Variants in NLGN4X observed in about 807,000 individuals in gnomAD.
The protein encoded by NLGN4X is neuroligin 4 X-linked, also known as neuroligin-4, X-linked.
NLGN4X carries 3 observed loss-of-function variants against 40.3 expected under a neutral mutation model. That is an observed-to-expected ratio of 0.07 (90% CI 0.03 to 0.19). The LOEUF (loss-of-function observed/expected upper bound fraction) is 0.19. Among genes scored for constraint, NLGN4X ranks in the 10% least tolerant of loss-of-function variants. The probability of loss-of-function intolerance (pLI) is 1.00; values close to 1 mark genes in which losing one functional copy is unlikely to be tolerated. For synonymous variants in NLGN4X, 270 were observed against 306.8 expected (o/e 0.88, Z 1.25); for missense variants, 382 against 708.3 (o/e 0.54, Z 5.23).
At chrX:6,019,541 G>A (rs934650460) in intron 3 of NLGN4X, among the ~76,000 whole-genome samples, 11 of 111,580 alleles carry the variant, frequency 9.9e-5, no homozygotes, top group African/African-American at 3.6e-4. Context: ...TGTAGATACT[G>A]ACAGAATTAT....
At chrX:5,989,498 T>A (rs1436758675) in intron 3 of NLGN4X, among the ~76,000 whole-genome samples, 3 of 112,511 alleles carry the variant, frequency 2.7e-5, no homozygotes, top group African/African-American at 9.7e-5. Flanking sequence ...TAGTTTTACT[T>A]CTTAAAGTGA....
At chrX:6,134,851 A>G (rs964853975) in intron 2 of NLGN4X, among the ~76,000 whole-genome samples, 4 of 112,034 alleles carry the variant, frequency 3.6e-5, no homozygotes, top group African/African-American at 1.3e-4. Context: ...ACTGAGAAGG[A>G]CCTCCTTTGC....
intron 1 of NLGN4X, chrX:6,186,762 C>G (rs1365775729): frequency 9.0e-6 from 1 of 111,607 alleles, no homozygotes; most frequent in Non-Finnish European, 1.9e-5. Context: ...AAGACATAAG[C>G]CTTACTCACC....
At chrX:5,961,090 C>T (rs1006543555) in intron 3 of NLGN4X, among the ~76,000 whole-genome samples, 11 of 110,978 alleles carry the variant, frequency 9.9e-5, no homozygotes, top group African/African-American at 2.0e-4. Context: ...TGCAGTGGCG[C>T]GATCTCGGCT....
chrX:6,211,530 G>GAT (rs1281621519), intron 1 of NLGN4X, among the ~76,000 whole-genome samples: 1 of 111,754 alleles, frequency 8.9e-6, no homozygotes, highest in Non-Finnish European at 1.9e-5. Context: ...TATAGATAGA[G>GAT]ATATATATAG....
At chrX:5,925,803 T>C (rs2033246048) in intron 3 of NLGN4X, among the ~76,000 whole-genome samples, 1 of 90,869 alleles carries the variant, frequency 1.1e-5, no homozygotes, top group African/African-American at 3.8e-5. Flanking sequence ...GATAATTACA[T>C]TCAGTTGGTA....
rs771649961 is a variant in NLGN4X at position 5,903,360 on chromosome X, G to A, written c.1318C>T (p.Leu440=). 2 of 1,211,649 alleles carry A rather than the reference G, an allele frequency of 1.7e-6. No homozygotes were observed. Among genetic ancestry groups the A allele is most frequent in the Admixed American group, 2.2e-5 (1 of 46,107 alleles). ...KENPETRRKT[L]VALFTDHQWV... ...TGGTGGTCAGTAAAGAGAGCCACCA[G>A]GGTTTTCCGCCGCGTCTCCGGGTTT... Residue 440 remains leucine (L), a synonymous_variant, in exon 5 of 6, where the codon CTG becomes TTG. Transcript: ENST00000381095.
In NLGN4X at chrX:6,181,316, G is replaced by A. The variant is rs189357005; in HGVS notation, c.-305-29545C>T. On this transcript the variant is annotated intron_variant, in intron 1 of 5. Transcript: ENST00000381095. ...CATACCACGGAACTAACATGAATAC[G>A]TAGATTTAAAAGTGATAGACTAAAA... Among the ~76,000 whole-genome samples the A allele has an allele frequency of 1.8e-3, 197 of 111,507 alleles. 1 individual carries two copies. The highest frequency in any genetic ancestry group is 4.7e-3 in the Middle Eastern group (1 of 213).
intron 3 of NLGN4X, among the ~76,000 whole-genome samples, chrX:6,020,606 T>C (rs2036504667): frequency 8.9e-6 from 1 of 112,176 alleles, no homozygotes; most frequent in Non-Finnish European, 1.9e-5. Context: ...TTTAAGTGTT[T>C]GCACCAGAAA....
intron 1 of NLGN4X, among the ~76,000 whole-genome samples, chrX:6,195,362 C>G (rs1179015632): frequency 8.9e-6 from 1 of 112,247 alleles, no homozygotes; most frequent in African/African-American, 3.2e-5. Context: ...TTGGCTTTCA[C>G]CTGCCTGCCA....
intron 3 of NLGN4X, among the ~76,000 whole-genome samples, chrX:5,941,790 T>A (rs1456333869): frequency 8.9e-6 from 1 of 112,424 alleles, no homozygotes; most frequent in Non-Finnish European, 1.9e-5. Flanking sequence ...CCGCTCACTG[T>A]CTCTGTAAGG....
chrX:6,069,806 T>C (rs1027164150), intron 2 of NLGN4X, among the ~76,000 whole-genome samples: 4 of 112,131 alleles, frequency 3.6e-5, no homozygotes, highest in African/African-American at 1.3e-4. Flanking sequence ...GAATTCTAGT[T>C]TGGCTGTTCA....
At chrX:5,898,481 G>C (rs778512090) in intron 5 of NLGN4X, among the ~76,000 whole-genome samples, 18 of 110,721 alleles carry the variant, frequency 1.6e-4, no homozygotes, top group Middle Eastern at 4.7e-3. Context: ...CTAGACTAAA[G>C]GTCAGAACCA....
At chrX:6,093,105 G>T (rs2038681955) in intron 2 of NLGN4X, among the ~76,000 whole-genome samples, 1 of 110,712 alleles carries the variant, frequency 9.0e-6, no homozygotes, top group South Asian at 3.8e-4. Context: ...AAAATAAACA[G>T]GAGATCTTAA....
At chrX:6,201,008 T>C (rs909232015) in intron 1 of NLGN4X, among the ~76,000 whole-genome samples, 2 of 111,042 alleles carry the variant, frequency 1.8e-5, no homozygotes, top group African/African-American at 3.3e-5. Flanking sequence ...CCTTAACTTA[T>C]TTATTTTGCA....
chrX:5,975,336 C>T (rs767034000), intron 3 of NLGN4X, among the ~76,000 whole-genome samples: 44 of 111,135 alleles, frequency 4.0e-4, no homozygotes, highest in African/African-American at 1.3e-3. Flanking sequence ...ATTAGCTGGG[C>T]GTGGTGACAT....
chrX:6,198,895 A>G (rs1923354287), intron 1 of NLGN4X, among the ~76,000 whole-genome samples: 1 of 111,868 alleles, frequency 8.9e-6, no homozygotes, highest in Non-Finnish European at 1.9e-5. Context: ...AGGAAAATAC[A>G]AAGGTATTTT....
chrX:5,910,526 A>G (rs2032427117), intron 3 of NLGN4X, among the ~76,000 whole-genome samples: 1 of 111,208 alleles, frequency 9.0e-6, no homozygotes, highest in African/African-American at 3.3e-5. Context: ...AATAACATCA[A>G]ACCAATTCCC....
chrX:6,057,129 A>G (rs2037651833), intron 2 of NLGN4X, among the ~76,000 whole-genome samples: 1 of 112,403 alleles, frequency 8.9e-6, no homozygotes, highest in African/African-American at 3.2e-5. Context: ...TGAATATATC[A>G]TATTGTCACA....
Sources: allele counts gnomAD v4.1 joint callset (sites outside exome capture counted in the v4.1 genomes callset), GRCh38; gene constraint gnomAD v4.1.1; transcripts MANE v1.5; gene names NCBI Gene and HGNC (gene_info 2026-07-23, HGNC 2026-07-21).